Variants in KIAA0825 observed in about 807,000 individuals in gnomAD.
The protein encoded by KIAA0825 is KIAA0825.
Under a neutral mutation model 147.6 loss-of-function variants are expected in KIAA0825, and 119 were observed. The ratio of observed to expected loss-of-function variants is 0.81; its 90% CI spans 0.69 to 0.94. The LOEUF (loss-of-function observed/expected upper bound fraction) is 0.94, where lower values mean the gene tolerates loss of function less well. Among genes scored for constraint, KIAA0825 ranks in the 40% least tolerant of loss-of-function variants. The pLI, the probability that KIAA0825 is intolerant of heterozygous loss-of-function variation, is 0.00. For synonymous variants in KIAA0825, 470 were observed against 518.1 expected, an observed-to-expected ratio of 0.91 and a Z score of 1.26; for missense variants, 1,381 against 1,472.7, an observed-to-expected ratio of 0.94 and a Z score of 1.02.
intron 20 of KIAA0825, among the ~76,000 whole-genome samples, chr5:94,322,013 C>T (rs1780238904): frequency 1.3e-5 from 2 of 151,912 alleles, no homozygotes; most frequent in African/African-American, 4.8e-5. Context: ...AACTTTAATA[C>T]ATTAAAGGCC....
intron 11 of KIAA0825, among the ~76,000 whole-genome samples, chr5:94,464,271 T>C (rs1198022806): frequency 1.3e-5 from 2 of 152,052 alleles, no homozygotes; most frequent in East Asian, 3.8e-4. Flanking sequence ...ACTCATAGAA[T>C]TGTACTAGAA....
intron 20 of KIAA0825, among the ~76,000 whole-genome samples, chr5:94,298,105 G>C (rs1177737413): frequency 6.6e-6 from 1 of 151,630 alleles, no homozygotes; most frequent in African/African-American, 2.4e-5. Context: ...AAGTTAGCCA[G>C]GTGTGGTGGT....
chr5:94,503,031 C>T (rs539944572), intron 5 of KIAA0825, among the ~76,000 whole-genome samples: 14 of 149,474 alleles, frequency 9.4e-5, no homozygotes, highest in East Asian at 2.0e-4. Context: ...ATCGATTGAA[C>T]GCAGGAGGCA....
intron 20 of KIAA0825, among the ~76,000 whole-genome samples, chr5:94,194,720 C>T (rs1467356504): frequency 6.6e-6 from 1 of 152,170 alleles, no homozygotes; most frequent in Non-Finnish European, 1.5e-5. Flanking sequence ...TTCCCCTAAC[C>T]TAAATCCTTC....
In KIAA0825 at chr5:94,348,886, A is replaced by G. The variant is rs1360022607; in HGVS notation, c.3710+35482T>C. Among the ~76,000 whole-genome samples, 6 of 152,324 alleles carry G rather than the reference A, an allele frequency of 3.9e-5. No individual in the cohort carries two copies. The East Asian group carries it at 9.6e-4, about 24-fold the overall frequency. ...AAACAAAAATACAAGTTAAAAAGCA[A>G]AAATAAAATCCGAAGTACACAGGCA... On this transcript the variant is annotated intron_variant, in intron 20 of 20. Transcript: ENST00000682413.
intron 20 of KIAA0825, among the ~76,000 whole-genome samples, chr5:94,190,391 T>C (rs1770562392): frequency 6.6e-6 from 1 of 152,168 alleles, no homozygotes; most frequent in Non-Finnish European, 1.5e-5. Context: ...AGTGGCACTA[T>C]CTTGGCTCAC....
chr5:94,361,461 G>A (rs962046914), intron 20 of KIAA0825, among the ~76,000 whole-genome samples: 1 of 152,078 alleles, frequency 6.6e-6, no homozygotes, highest in African/African-American at 2.4e-5. Flanking sequence ...GAACACTTTG[G>A]GGAAATTTCA....
chr5:94,306,418 A>G (rs2150188442), intron 20 of KIAA0825, among the ~76,000 whole-genome samples: 1 of 151,900 alleles, frequency 6.6e-6, no homozygotes, highest in South Asian at 2.1e-4. Context: ...AGTATAATGA[A>G]CTCCCTGAGA....
At chr5:94,304,455 A>G (rs747718366) in intron 20 of KIAA0825, among the ~76,000 whole-genome samples, 14 of 152,090 alleles carry the variant, frequency 9.2e-5, no homozygotes, top group Non-Finnish European at 1.8e-4. Flanking sequence ...TAACACTGGA[A>G]GATGCCGATC....
chr5:94,321,151 A>T (rs1042247843), intron 20 of KIAA0825, among the ~76,000 whole-genome samples: 1 of 151,988 alleles, frequency 6.6e-6, no homozygotes, highest in Non-Finnish European at 1.5e-5. Context: ...TACTACTATG[A>T]TCTAAAGTAA....
chr5:94,577,318 T>G (rs77158723), intron 2 of KIAA0825, among the ~76,000 whole-genome samples: 1 of 152,120 alleles, frequency 6.6e-6, no homozygotes, highest in African/African-American at 2.4e-5. Flanking sequence ...AGACAAAGGA[T>G]AGATAAAATC....
chr5:94,290,975 C>T (rs942456046), intron 20 of KIAA0825, among the ~76,000 whole-genome samples: 1 of 151,902 alleles, frequency 6.6e-6, no homozygotes, highest in Non-Finnish European at 1.5e-5. Context: ...CTTTTTGATA[C>T]AGTTGTTTGT....
chr5:94,264,006 CTT>C (rs1403850234), intron 20 of KIAA0825, among the ~76,000 whole-genome samples: 1 of 152,216 alleles, frequency 6.6e-6, no homozygotes. Context: ...ATGAACCACT[CTT>C]TATTTTCAAA....
intron 12 of KIAA0825, among the ~76,000 whole-genome samples, chr5:94,460,729 C>G (rs1759716608): frequency 6.6e-6 from 1 of 151,866 alleles, no homozygotes; most frequent in Non-Finnish European, 1.5e-5. Context: ...ATATATTTTT[C>G]CCTAATTGGC....
At chr5:94,562,922 C>A (rs1173751893) in intron 2 of KIAA0825, among the ~76,000 whole-genome samples, 2 of 152,124 alleles carry the variant, frequency 1.3e-5, no homozygotes, top group South Asian at 2.1e-4. Flanking sequence ...TTTTAAATAT[C>A]TAGAACACAT....
intron 5 of KIAA0825, among the ~76,000 whole-genome samples, chr5:94,492,627 C>A (rs570564276): frequency 7.9e-5 from 12 of 152,288 alleles, no homozygotes; most frequent in African/African-American, 2.9e-4. Flanking sequence ...CAAAATGGTA[C>A]ATTTGGGGTA....
intron 20 of KIAA0825, among the ~76,000 whole-genome samples, chr5:94,207,498 A>T (rs1772314356): frequency 6.6e-6 from 1 of 152,216 alleles, no homozygotes; most frequent in Non-Finnish European, 1.5e-5. Flanking sequence ...TTGAAGACCA[A>T]GACAGATAAA....
At chr5:94,594,346 T>C (rs923043922) in intron 1 of KIAA0825, 2 of 722,642 alleles carry the variant, frequency 2.8e-6, no homozygotes, top group African/African-American at 1.7e-5. Flanking sequence ...GGCATGAATG[T>C]AGCACAACAG....
At chr5:94,261,930 C>T (rs1050203098) in intron 20 of KIAA0825, among the ~76,000 whole-genome samples, 2 of 151,980 alleles carry the variant, frequency 1.3e-5, no homozygotes, top group African/African-American at 4.8e-5. Flanking sequence ...TACAGTAGGA[C>T]AGATCCTTCC....
Sources: gnomAD v4.1 joint callset for allele counts (sites outside exome capture counted in the v4.1 genomes callset) on GRCh38, gnomAD v4.1.1 for gene constraint, MANE v1.5 for transcripts, NCBI Gene and HGNC (gene_info 2026-07-23, HGNC 2026-07-21) for gene names.